Variants in CDH18 observed in about 807,000 individuals in gnomAD.
The protein encoded by CDH18 is cadherin 18.
A neutral mutation model predicts 67.9 loss-of-function variants in CDH18; 31 were observed. The observed-to-expected ratio is 0.46, with a 90% CI of 0.34 to 0.62. CDH18 has a LOEUF of 0.62. CDH18 is among the 20% of genes least tolerant of loss of function. The pLI, the probability that CDH18 is intolerant of heterozygous loss-of-function variation, is 0.01. For synonymous variants in CDH18, 362 were observed against 347.2 expected, an observed-to-expected ratio of 1.04 and a Z score of -0.48; for missense variants, 890 against 975.5, an observed-to-expected ratio of 0.91 and a Z score of 1.17.
chr5:19,755,458 T>TACAC (rs70950099), intron 3 of CDH18, among the ~76,000 whole-genome samples: 4 of 9,452 alleles, frequency 4.2e-4, no homozygotes, highest in African/African-American at 5.7e-4. Flanking sequence ...TATATATATA[T>TACAC]ACACACACAC....
chr5:20,539,821 A>G lies in CDH18; in HGVS notation c.-580+35641T>C, dbSNP rs945102720. ...AATAAACACAACCATGAAGTAATTT[A>G]CTATGGAAGGAAGACCAAGTTGAGT... On this transcript the variant is annotated intron_variant, in intron 1 of 14. Transcript: ENST00000507958. Among the ~76,000 whole-genome samples, 3 of 151,980 alleles carry G rather than the reference A, an allele frequency of 2.0e-5. No individual in the cohort carries two copies. In the East Asian group the frequency reaches 5.8e-4, roughly 29 times the overall value.
intron 2 of CDH18, among the ~76,000 whole-genome samples, chr5:20,199,392 T>C (rs1171445262): frequency 6.6e-6 from 1 of 152,178 alleles, no homozygotes; most frequent in Non-Finnish European, 1.5e-5. Flanking sequence ...CCCTATTGAA[T>C]TTTTGACTTG....
intron 2 of CDH18, among the ~76,000 whole-genome samples, chr5:20,056,027 TTGAG>T (rs1409177907): frequency 2.8e-5 from 4 of 144,938 alleles, no homozygotes; most frequent in African/African-American, 1.0e-4. Context: ...TTTGTGAGAT[TTGAG>T]TCTCACTCCG....
chr5:19,960,640 CAT>C (rs1341655124), intron 2 of CDH18, among the ~76,000 whole-genome samples: 1 of 95,762 alleles, frequency 1.0e-5, no homozygotes, highest in Non-Finnish European at 1.8e-5. Context: ...TATATGTATA[CAT>C]ATACACGTGT....
intron 9 of CDH18, among the ~76,000 whole-genome samples, chr5:19,532,335 T>G (rs193141410): frequency 2.0e-5 from 3 of 152,360 alleles, no homozygotes; most frequent in Admixed American, 6.5e-5. Flanking sequence ...GTCACTGGGT[T>G]GTTGACACCA....
chr5:19,593,658 C>A (rs1220892897), intron 6 of CDH18, among the ~76,000 whole-genome samples: 5 of 110,550 alleles, frequency 4.5e-5, no homozygotes, highest in African/African-American at 1.9e-4. Flanking sequence ...CACTCCCCCT[C>A]CCCTTCTACC....
intron 1 of CDH18, among the ~76,000 whole-genome samples, chr5:20,469,119 C>T (rs555384514): frequency 1.4e-3 from 219 of 152,172 alleles, no homozygotes; most frequent in African/African-American, 5.1e-3. Context: ...TTATCACCAC[C>T]AAACCAAAAA....
At chr5:20,019,703 A>G (rs1738228639) in intron 2 of CDH18, among the ~76,000 whole-genome samples, 1 of 152,172 alleles carries the variant, frequency 6.6e-6, no homozygotes, top group South Asian at 2.1e-4. Flanking sequence ...TTTTCTTTAT[A>G]AATTACCCAG....
chr5:19,910,980 C>G (rs1247776594), intron 2 of CDH18, among the ~76,000 whole-genome samples: 2 of 152,048 alleles, frequency 1.3e-5, no homozygotes, highest in Non-Finnish European at 2.9e-5. Context: ...AAGTAGGTAC[C>G]TACTGAGTAA....
rs138468052 is a variant in CDH18, at chr5:20,211,315, T to C, written c.-518+44129A>G. Among the ~76,000 whole-genome samples the C allele has an allele frequency of 3.9e-5, 6 of 152,096 alleles. No homozygotes were observed. The East Asian group carries it at 1.2e-3, about 29-fold the overall frequency. On this transcript the variant is annotated intron_variant, in intron 2 of 14. Coordinates refer to the CDH18 transcript ENST00000507958. Reference sequence around the variant, plus strand: ...CCTCTGTAGACTCCACCTCTGGGGGTAGGACATAGCTGAACCAAATGCAGC... The same window carrying C: ...CCTCTGTAGACTCCACCTCTGGGGGCAGGACATAGCTGAACCAAATGCAGC...
intron 2 of CDH18, among the ~76,000 whole-genome samples, chr5:19,883,361 C>T (rs1787868054): frequency 6.6e-6 from 1 of 151,982 alleles, no homozygotes; most frequent in Non-Finnish European, 1.5e-5. Context: ...GACGAAATCA[C>T]AAGCAGTTTA....
At position 20,252,793 on chromosome 5, in the gene CDH18, C is replaced by T. The variant is rs932391291; in HGVS notation, c.-518+2651G>A. On this transcript the variant is annotated intron_variant, in intron 2 of 14. Coordinates refer to the CDH18 transcript ENST00000507958. ...TCTACTAAAATTACAAAACATTAGC[C>T]GGGCGTGGTGGTGGGCGCCTGTAGT... Among the ~76,000 whole-genome samples the T allele has an allele frequency of 6.6e-5, 10 of 151,916 alleles. No individual in the cohort carries two copies. The East Asian group carries it at 1.4e-3, about 21-fold the overall frequency.
chr5:20,532,941 T>G (rs1487505404), intron 1 of CDH18, among the ~76,000 whole-genome samples: 3 of 151,988 alleles, frequency 2.0e-5, no homozygotes. Flanking sequence ...CAGTTTGACT[T>G]GTGTTCCCCT....
At chr5:20,345,324 G>A (rs751683079) in intron 1 of CDH18, among the ~76,000 whole-genome samples, 82 of 152,170 alleles carry the variant, frequency 5.4e-4, no homozygotes, top group Non-Finnish European at 1.0e-3. Context: ...TCACGATAAG[G>A]CAACTTTGCC....
intron 2 of CDH18, among the ~76,000 whole-genome samples, chr5:20,146,875 G>T (rs1473629528): frequency 6.6e-6 from 1 of 151,840 alleles, no homozygotes; most frequent in Non-Finnish European, 1.5e-5. Flanking sequence ...GATATAGACA[G>T]ACTCTCATTT....
intron 8 of CDH18, among the ~76,000 whole-genome samples, chr5:19,560,898 A>G (rs1354594362): frequency 6.6e-6 from 1 of 152,196 alleles, no homozygotes; most frequent in Non-Finnish European, 1.5e-5. Flanking sequence ...GCCAATAAAC[A>G]GATGAAAAAA....
At chr5:19,677,699 A>G (rs547602097) in intron 5 of CDH18, among the ~76,000 whole-genome samples, 107 of 152,154 alleles carry the variant, frequency 7.0e-4, no homozygotes, top group African/African-American at 2.5e-3. Context: ...GTAAACTAAA[A>G]AAAAAAGGAG....
intron 2 of CDH18, among the ~76,000 whole-genome samples, chr5:19,994,941 C>T (rs910301360): frequency 2.7e-5 from 4 of 148,228 alleles, no homozygotes; most frequent in Admixed American, 6.8e-5. Context: ...GTCCCATGAT[C>T]TGCGCCTGCA....
At chr5:19,887,951 T>C (rs767076694) in intron 2 of CDH18, among the ~76,000 whole-genome samples, 2 of 152,056 alleles carry the variant, frequency 1.3e-5, no homozygotes, top group Non-Finnish European at 1.5e-5. Context: ...TTCAGAAACA[T>C]ATGTCAAAAA....
Sources: gnomAD v4.1 joint callset for allele counts (sites outside exome capture counted in the v4.1 genomes callset) on GRCh38, gnomAD v4.1.1 for gene constraint, MANE v1.5 for transcripts, NCBI Gene and HGNC (gene_info 2026-07-23, HGNC 2026-07-21) for gene names.